The following PDE4D variants were observed in gnomAD, a reference collection of about 807,000 sequenced individuals.
The protein encoded by PDE4D is phosphodiesterase 4D, also known as 3',5'-cyclic-AMP phosphodiesterase 4D.
In PDE4D, 24 loss-of-function variants were observed where a neutral mutation model predicts 87.4. The ratio of observed to expected loss-of-function variants is 0.27; its 90% CI spans 0.20 to 0.39. The LOEUF (loss-of-function observed/expected upper bound fraction) is 0.39. PDE4D is among the 10% of genes least tolerant of loss of function. The probability of loss-of-function intolerance (pLI) is 1.00; values close to 1 mark genes in which losing one functional copy is unlikely to be tolerated. For missense variants in PDE4D, 714 were observed against 1,041.0 expected (o/e 0.69, Z 4.32); for synonymous variants, 384 against 383.2 (o/e 1.00, Z -0.02).
intron 1 of PDE4D, among the ~76,000 whole-genome samples, chr5:60,444,855 T>G (rs1203898693): frequency 1.3e-5 from 2 of 151,080 alleles, no homozygotes; most frequent in Non-Finnish European, 2.9e-5. Context: ...CAGAGGTTAT[T>G]AATGCTTTGG....
rs556711270 is a variant in PDE4D, at chr5:59,156,124, C to T, written c.808+24471G>A. Among the ~76,000 whole-genome samples, 7 of 151,510 alleles carry T rather than the reference C, an allele frequency of 4.6e-5. No homozygotes were observed. The South Asian group carries it at 1.5e-3, about 32-fold the overall frequency. ...TGAAGTGATGTGGGATTATTTTTCC[C>T]AGGAATTCAGGTAAGGAAGTGGAAA... On this transcript the variant is annotated intron_variant, in intron 5 of 14. Transcript: ENST00000340635.
chr5:59,054,582 T>A (rs1000471589), intron 5 of PDE4D, among the ~76,000 whole-genome samples: 6 of 151,870 alleles, frequency 4.0e-5, no homozygotes, highest in East Asian at 3.9e-4. Flanking sequence ...CAGTATAAAT[T>A]AAACCAATAA....
intron 3 of PDE4D, among the ~76,000 whole-genome samples, chr5:59,914,731 C>G (rs1411867601): frequency 6.6e-6 from 1 of 151,836 alleles, no homozygotes; most frequent in African/African-American, 2.4e-5. Flanking sequence ...GGTAGAATGG[C>G]AAGTGTGGAG....
At chr5:60,051,080 A>G (rs1770088719) in intron 2 of PDE4D, among the ~76,000 whole-genome samples, 1 of 152,176 alleles carries the variant, frequency 6.6e-6, no homozygotes, top group Admixed American at 6.5e-5. Flanking sequence ...AGACTCCCAC[A>G]CAATAATATT....
intron 1 of PDE4D, among the ~76,000 whole-genome samples, chr5:59,863,032 CG>C (rs1746507318): frequency 6.6e-6 from 1 of 152,130 alleles, no homozygotes; most frequent in South Asian, 2.1e-4. Context: ...AAACTCTTAT[CG>C]TGTTCTTAAG....
intron 1 of PDE4D, among the ~76,000 whole-genome samples, chr5:60,440,396 C>A (rs1421079461): frequency 1.3e-5 from 2 of 152,082 alleles, no homozygotes; most frequent in Non-Finnish European, 2.9e-5. Context: ...TCAGGCAACA[C>A]AAGATTTCTT....
chr5:60,090,969 A>G (rs993425766), intron 2 of PDE4D, among the ~76,000 whole-genome samples: 4 of 152,184 alleles, frequency 2.6e-5, no homozygotes, highest in Non-Finnish European at 4.4e-5. Context: ...AATAAATTTA[A>G]CCAAACAAGT....
chr5:59,823,170 T>C (rs1476729264), intron 1 of PDE4D, among the ~76,000 whole-genome samples: 1 of 152,196 alleles, frequency 6.6e-6, no homozygotes, highest in East Asian at 1.9e-4. Context: ...CTAGGGGTTC[T>C]TGGAGCTTTA....
At chr5:59,496,031 AATT>A (rs1807119748) in intron 1 of PDE4D, among the ~76,000 whole-genome samples, 2 of 152,146 alleles carry the variant, frequency 1.3e-5, no homozygotes, top group African/African-American at 2.4e-5. Context: ...GTGAGGGAAG[AATT>A]GAATCACACC....
In PDE4D at chr5:60,100,100, T is replaced by A. The variant is rs566840352; in HGVS notation, c.42+85457A>T. On this transcript the variant is annotated intron_variant, in intron 2 of 16. Coordinates refer to the PDE4D transcript ENST00000502484. ...AGAGGAAAAGCTTCATGCACTGATA[T>A]GAAAAAAATCTTTAGTATGTTTTAT... Among the ~76,000 whole-genome samples the A allele has an allele frequency of 2.6e-5, 4 of 151,854 alleles. No individual in the cohort carries two copies. In the South Asian group the frequency reaches 8.3e-4, roughly 31 times the overall value.
At chr5:59,627,475 A>T (rs1269883982) in intron 1 of PDE4D, among the ~76,000 whole-genome samples, 2 of 152,184 alleles carry the variant, frequency 1.3e-5, no homozygotes, top group Non-Finnish European at 2.9e-5. Context: ...CTAGCACTGA[A>T]TTTTATATAA....
intron 1 of PDE4D, among the ~76,000 whole-genome samples, chr5:59,361,216 A>C (rs1782173494): frequency 6.6e-6 from 1 of 152,190 alleles, no homozygotes; most frequent in African/African-American, 2.4e-5. Context: ...AAGGAAAAGA[A>C]AATAAATTTT....
rs189432728 is a variant in PDE4D at position 60,166,966 on chromosome 5, C to T, written c.42+18591G>A. On this transcript the variant is annotated intron_variant, in intron 2 of 16. Coordinates refer to the PDE4D transcript ENST00000502484. The stretch of plus-strand genomic sequence containing the variant: ...GTTGTATGCTTATTTTCTCTTGTTG[C>T]TTTCAGGACCCTCTCTTTGTCTTTG... Among the ~76,000 whole-genome samples the T allele has an allele frequency of 1.3e-3, 195 of 152,124 alleles. 3 individuals are homozygous for T. The highest frequency in any genetic ancestry group is 0.012 in the Admixed American group (179 of 15,278).
chr5:60,210,170 C>A (rs2962969), intron 1 of PDE4D, among the ~76,000 whole-genome samples: 33,115 of 151,906 alleles, frequency 0.22, 3,789 homozygotes, highest in Middle Eastern at 0.35. Context: ...AATATATTAA[C>A]TCAAAATAAA....
At chr5:59,771,499 G>GAGAGAGAAAAAGAAAGAAAGA (rs1554081503) in intron 1 of PDE4D, among the ~76,000 whole-genome samples, 2 of 19,700 alleles carry the variant, frequency 1.0e-4, no homozygotes, top group Non-Finnish European at 2.4e-4. Flanking sequence ...GAGAGAGAGA[G>GAGAGAGAAAAAGAAAGAAAGA]AAGAAAGAAA....
chr5:59,291,235 T>A (rs1416022334), intron 1 of PDE4D, among the ~76,000 whole-genome samples: 1 of 152,086 alleles, frequency 6.6e-6, no homozygotes, highest in Admixed American at 6.6e-5. Flanking sequence ...ATATATAATG[T>A]AGTACTATTT....
At chr5:60,234,735 A>G (rs1425651886) in intron 1 of PDE4D, among the ~76,000 whole-genome samples, 2 of 151,864 alleles carry the variant, frequency 1.3e-5, no homozygotes, top group African/African-American at 2.4e-5. Flanking sequence ...TTGTAGGTCT[A>G]TTTGGAATTT....
chr5:59,985,874 A>G (rs1191719450), intron 3 of PDE4D, among the ~76,000 whole-genome samples: 2 of 152,290 alleles, frequency 1.3e-5, no homozygotes, highest in East Asian at 1.9e-4. Context: ...GGAATACTAT[A>G]TTTTCCATTT....
rs973872302 is a variant in PDE4D, at chr5:59,623,599, C to T, written c.455+269569G>A. Among the ~76,000 whole-genome samples, 5 of 152,162 alleles carry T rather than the reference C, an allele frequency of 3.3e-5. No homozygotes were observed. The South Asian group carries it at 1.0e-3, about 31-fold the overall frequency. ...CTTAAACTTCCTAGCTCACCCTGATCTTGGTATGTGCCCTCATGAGAACAA... is the reference window on the plus strand; with the variant it reads ...CTTAAACTTCCTAGCTCACCCTGATTTTGGTATGTGCCCTCATGAGAACAA... On this transcript the variant is annotated intron_variant, in intron 1 of 14. Coordinates refer to ENST00000340635, the MANE Select transcript of PDE4D (RefSeq NM_001104631.2).
Sources: gnomAD v4.1 joint callset for allele counts (sites outside exome capture counted in the v4.1 genomes callset) on GRCh38, gnomAD v4.1.1 for gene constraint, MANE v1.5 for transcripts, NCBI Gene and HGNC (gene_info 2026-07-23, HGNC 2026-07-21) for gene names.